Variants in TRDN observed in about 807,000 individuals in gnomAD.
TRDN encodes triadin in skeletal muscle.
TRDN carries 161 observed loss-of-function variants against 149.7 expected under a neutral mutation model. That is an observed-to-expected ratio of 1.08 (90% CI 0.95 to 1.23). The LOEUF is 1.23. TRDN is among the 50% of genes most tolerant of loss of function. The probability of loss-of-function intolerance (pLI) is 0.00; values close to 1 mark genes in which losing one functional copy is unlikely to be tolerated. For missense variants in TRDN, 896 were observed against 823.5 expected (o/e 1.09, Z -1.08); for synonymous variants, 294 against 250.5 (o/e 1.17, Z -1.64).
At chr6:123,607,567 T>C (rs1189660317) in intron 1 of TRDN, among the ~76,000 whole-genome samples, 1 of 152,192 alleles carries the variant, frequency 6.6e-6, no homozygotes, top group African/African-American at 2.4e-5. Flanking sequence ...TCTCCGCACA[T>C]GGCTTGTGTT....
chr6:123,479,047 T>C (rs1213585205), intron 9 of TRDN, among the ~76,000 whole-genome samples: 1 of 152,206 alleles, frequency 6.6e-6, no homozygotes, highest in Non-Finnish European at 1.5e-5. Context: ...GTGAAAATTA[T>C]TGCTTAAATG....
intron 12 of TRDN, among the ~76,000 whole-genome samples, chr6:123,416,356 C>T (rs1773649227): frequency 6.6e-6 from 1 of 152,180 alleles, no homozygotes; most frequent in South Asian, 2.1e-4. Context: ...TATTCCACTG[C>T]TTCTTTTCCT....
chr6:123,561,083 A>G (rs1252083276), intron 2 of TRDN, among the ~76,000 whole-genome samples: 1 of 152,112 alleles, frequency 6.6e-6, no homozygotes, highest in Non-Finnish European at 1.5e-5. Flanking sequence ...AGACACTTTC[A>G]CTGGATGGGT....
At chr6:123,297,912 T>A (rs1269421247) in intron 24 of TRDN, among the ~76,000 whole-genome samples, 2 of 151,992 alleles carry the variant, frequency 1.3e-5, no homozygotes, top group Non-Finnish European at 2.9e-5. Context: ...TCCACACATT[T>A]CCTATATTAG....
chr6:123,407,730 C>G lies in TRDN; in HGVS notation c.1052-14053G>C, dbSNP rs192229656. 5.3e-5 allele frequency among the ~76,000 whole-genome samples: 8 copies of G among 151,908 alleles called. No homozygotes were observed. The East Asian group carries it at 1.5e-3, about 29-fold the overall frequency. Reference sequence around the variant, plus strand: ...ATGTTTATTATTTTGAAGGATCAAACAGCAAGGGAAAAAAGCATGGCAATA... The same window carrying G: ...ATGTTTATTATTTTGAAGGATCAAAGAGCAAGGGAAAAAAGCATGGCAATA... On this transcript the variant is annotated intron_variant, in intron 12 of 40. Transcript: ENST00000334268.
intron 26 of TRDN, among the ~76,000 whole-genome samples, chr6:123,275,244 G>A (rs1427732339): frequency 6.6e-6 from 1 of 151,952 alleles, no homozygotes; most frequent in Non-Finnish European, 1.5e-5. Flanking sequence ...AATTAGTTAA[G>A]GTAAGATGAA....
intron 9 of TRDN, among the ~76,000 whole-genome samples, chr6:123,481,490 C>T (rs1224513455): frequency 1.3e-5 from 2 of 151,090 alleles, no homozygotes; most frequent in Non-Finnish European, 2.9e-5. Context: ...CTCCCTAAGT[C>T]CTGGAGAAAA....
chr6:123,575,732 T>C (rs1782820103), intron 1 of TRDN, among the ~76,000 whole-genome samples: 1 of 152,068 alleles, frequency 6.6e-6, no homozygotes, highest in South Asian at 2.1e-4. Flanking sequence ...ATATAATGGA[T>C]CTAAAGACTG....
chr6:123,497,113 A>T, intron 9 of TRDN, 80 bp downstream of exon 9: 1 of 1,088,948 alleles, frequency 9.2e-7, no homozygotes, highest in East Asian at 2.9e-5. Flanking sequence ...AAATGAAAAT[A>T]CAGTTAGGTA....
At chr6:123,465,352 T>C (rs2114710996) in intron 9 of TRDN, among the ~76,000 whole-genome samples, 1 of 152,100 alleles carries the variant, frequency 6.6e-6, no homozygotes, top group East Asian at 1.9e-4. Flanking sequence ...AATCTTAATA[T>C]AAAATTAATC....
chr6:123,360,117 C>T (rs969310892), intron 20 of TRDN, among the ~76,000 whole-genome samples: 1 of 152,060 alleles, frequency 6.6e-6, no homozygotes, highest in Admixed American at 6.6e-5. Context: ...ACCTTATCAA[C>T]CTATCACCTA....
chr6:123,366,798 A>C (rs1462955563), intron 19 of TRDN, among the ~76,000 whole-genome samples: 1 of 152,156 alleles, frequency 6.6e-6, no homozygotes, highest in African/African-American at 2.4e-5. Flanking sequence ...GATTACAGGC[A>C]TGAGCCACCA....
At chr6:123,604,623 A>G (rs1158871120) in intron 1 of TRDN, among the ~76,000 whole-genome samples, 1 of 152,180 alleles carries the variant, frequency 6.6e-6, no homozygotes, top group Admixed American at 6.6e-5. Context: ...GGTTTTTGTG[A>G]TAAGAGGCCA....
chr6:123,453,640 CT>C (rs1486986356), intron 10 of TRDN, among the ~76,000 whole-genome samples: 1 of 152,100 alleles, frequency 6.6e-6, no homozygotes, highest in Non-Finnish European at 1.5e-5. Flanking sequence ...TTAGGGAACA[CT>C]TCTACACTGC....
intron 1 of TRDN, among the ~76,000 whole-genome samples, chr6:123,596,480 T>G (rs78973478): frequency 0.05 from 7,624 of 152,164 alleles, 632 homozygotes; most frequent in African/African-American, 0.17. Flanking sequence ...AACAACAAAC[T>G]TTCAATGTGG....
intron 2 of TRDN, among the ~76,000 whole-genome samples, chr6:123,560,852 C>T (rs1375617086): frequency 2.0e-5 from 3 of 152,154 alleles, no homozygotes; most frequent in Non-Finnish European, 4.4e-5. Flanking sequence ...GCCACTAGTC[C>T]GCCTTTTAGA....
chr6:123,331,993 T>C (rs980683396), intron 22 of TRDN, 64 bp from the exon 23 acceptor site: 1 of 1,258,088 alleles, frequency 7.9e-7, no homozygotes. Context: ...TACCTATAAA[T>C]GAAGTCAGTA....
At position 123,230,889 on chromosome 6, in the gene TRDN, T is replaced by C. The variant is rs965333334; in HGVS notation, c.1976-6758A>G. On this transcript the variant is annotated intron_variant, in intron 38 of 40. Transcript: ENST00000334268. The stretch of plus-strand genomic sequence containing the variant: ...CTTTTCCAGCAACAACTATGAGAAC[T>C]ACAATGAGATATTTTTCTGTGCCAG... 5.3e-5 allele frequency among the ~76,000 whole-genome samples: 8 copies of C among 152,016 alleles called. No homozygotes were observed. In the South Asian group the frequency reaches 1.4e-3, roughly 27 times the overall value.
intron 27 of TRDN, 137 bp downstream of exon 27, chr6:123,274,504 G>T: frequency 1.5e-6 from 1 of 671,126 alleles, no homozygotes; most frequent in Non-Finnish European, 2.4e-6. Flanking sequence ...ATCATGTTGA[G>T]CAATGGAGTT....
Sources: allele counts gnomAD v4.1 joint callset (sites outside exome capture counted in the v4.1 genomes callset), GRCh38; gene constraint gnomAD v4.1.1; transcripts MANE v1.5; gene names NCBI Gene and HGNC (gene_info 2026-07-23, HGNC 2026-07-21).